PDZRN4: variants seen among roughly 807,000 people sequenced by gnomAD.
PDZRN4 encodes the protein PDZ domain containing ring finger 4, also known as PDZ domain-containing RING finger protein 4.
In PDZRN4, 70 loss-of-function variants were observed where a neutral mutation model predicts 99.0. The ratio of observed to expected loss-of-function variants is 0.71; its 90% CI spans 0.58 to 0.86. PDZRN4 has a LOEUF of 0.86. Among genes scored for constraint, PDZRN4 ranks in the 40% least tolerant of loss-of-function variants. The pLI is 0.00. For missense variants in PDZRN4, 1,474 were observed against 1,331.2 expected, an observed-to-expected ratio of 1.11 and a Z score of -1.67; for synonymous variants, 551 against 501.6, an observed-to-expected ratio of 1.10 and a Z score of -1.32.
rs774282380 is a variant in PDZRN4, at chr12:41,188,423, G to A, written c.-33G>A. On this transcript the variant is annotated 5_prime_UTR_variant, in exon 1 of 10. Transcript: ENST00000402685. ...GGGGGGCTCGGAGAAGACGGACTCTGCTTTCGCTCCCCCTTTCTTCCCCAT... is the reference window on the plus strand; with the variant it reads ...GGGGGGCTCGGAGAAGACGGACTCTACTTTCGCTCCCCCTTTCTTCCCCAT... The A allele has an allele frequency of 2.0e-6, 3 of 1,525,912 alleles. No homozygotes were observed. Among genetic ancestry groups the A allele is most frequent in the South Asian group, 2.5e-5 (2 of 81,206 alleles). The allele number at this position is 1,525,912 out of a possible 1,614,324, so 94.5% of individuals were successfully genotyped here.
intron 3 of PDZRN4, among the ~76,000 whole-genome samples, chr12:41,337,462 A>T (rs1951783899): frequency 1.3e-5 from 2 of 151,970 alleles, no homozygotes; most frequent in South Asian, 4.1e-4. Flanking sequence ...GGACAACCAG[A>T]TGCGAAGAGG....
intron 4 of PDZRN4, 173 bp from the exon 5 acceptor site, chr12:41,509,638 T>C: frequency 2.3e-6 from 1 of 440,060 alleles, no homozygotes; most frequent in Non-Finnish European, 4.1e-6. Flanking sequence ...GGACTTCACG[T>C]AGAGGGAGAA....
intron 3 of PDZRN4, among the ~76,000 whole-genome samples, chr12:41,218,563 C>G (rs189531893): frequency 1.3e-5 from 2 of 152,056 alleles, no homozygotes; most frequent in South Asian, 2.1e-4. Context: ...TGACATACCC[C>G]CTGTAAAGAG....
At chr12:41,320,313 T>G (rs1018432552) in intron 3 of PDZRN4, among the ~76,000 whole-genome samples, 1 of 152,208 alleles carries the variant, frequency 6.6e-6, no homozygotes, top group African/African-American at 2.4e-5. Context: ...CAATATTAGA[T>G]CCTGTGTTGA....
intron 3 of PDZRN4, among the ~76,000 whole-genome samples, chr12:41,466,641 G>A (rs146714110): frequency 1.3e-5 from 2 of 152,148 alleles, no homozygotes; most frequent in East Asian, 1.9e-4. Context: ...AAACGTGGAG[G>A]GGGGGACACC....
chr12:41,188,860 G>C lies in PDZRN4; in HGVS notation c.405G>C (p.Pro135=), dbSNP rs996288267. The change falls in exon 1 of 10, where the codon CCG becomes CCC. Residue 135 remains proline, a synonymous_variant. Transcript: ENST00000402685. ...TGCCCGCGCGGGGGGGCTGCGGTCCGACACCCAGGGCTGGCCGGGGCGGGG... is the reference window on the plus strand; with the variant it reads ...TGCCCGCGCGGGGGGGCTGCGGTCCCACACCCAGGGCTGGCCGGGGCGGGG... ...GEVPARGGCG[P]TPRAGRGGGA... 8.1e-6 allele frequency: 10 copies of C among 1,239,276 alleles called. No homozygotes were observed. The East Asian group carries it at 2.4e-4, about 29-fold the overall frequency. 76.8% of individuals were successfully genotyped at this position (1,239,276 alleles called of 1,614,324 possible).
intron 3 of PDZRN4, among the ~76,000 whole-genome samples, chr12:41,452,566 C>T (rs1277611283): frequency 6.6e-6 from 1 of 152,048 alleles, no homozygotes; most frequent in African/African-American, 2.4e-5. Flanking sequence ...CAAATGGTAC[C>T]CCTGCTCCTG....
At chr12:41,214,341 A>C (rs1950906734) in intron 3 of PDZRN4, among the ~76,000 whole-genome samples, 1 of 144,354 alleles carries the variant, frequency 6.9e-6, no homozygotes, top group Non-Finnish European at 1.5e-5. Flanking sequence ...AGGCAGGAGG[A>C]TCACTTGAGC....
chr12:41,521,577 TA>T (rs1428919441), intron 5 of PDZRN4, among the ~76,000 whole-genome samples: 2 of 152,072 alleles, frequency 1.3e-5, no homozygotes, highest in African/African-American at 4.8e-5. Flanking sequence ...ACATGGTGCA[TA>T]TGAACCATAA....
At chr12:41,421,517 T>C (rs771160852) in intron 3 of PDZRN4, among the ~76,000 whole-genome samples, 6 of 152,144 alleles carry the variant, frequency 3.9e-5, no homozygotes, top group Non-Finnish European at 8.8e-5. Context: ...TGTTTAGGAC[T>C]CTTGGAATGA....
At chr12:41,563,130 C>T (rs184060) in intron 7 of PDZRN4, among the ~76,000 whole-genome samples, 1 of 152,160 alleles carries the variant, frequency 6.6e-6, no homozygotes, top group African/African-American at 2.4e-5. Flanking sequence ...CTGCAGCTCT[C>T]TAATTGGCTC....
intron 3 of PDZRN4, among the ~76,000 whole-genome samples, chr12:41,365,333 T>C (rs1373441645): frequency 6.6e-6 from 1 of 152,128 alleles, no homozygotes; most frequent in Admixed American, 6.6e-5. Context: ...ATTGTGCACA[T>C]GAGCACATAC....
intron 3 of PDZRN4, among the ~76,000 whole-genome samples, chr12:41,472,692 G>T (rs1953004891): frequency 6.6e-6 from 1 of 152,086 alleles, no homozygotes; most frequent in Non-Finnish European, 1.5e-5. Context: ...CACTCTAAGA[G>T]GTTTATGTAT....
intron 3 of PDZRN4, among the ~76,000 whole-genome samples, chr12:41,207,525 C>A (rs923936080): frequency 6.6e-6 from 1 of 151,626 alleles, no homozygotes; most frequent in African/African-American, 2.4e-5. Flanking sequence ...AATTGTCTTA[C>A]TGTAATTCAT....
intron 3 of PDZRN4, among the ~76,000 whole-genome samples, chr12:41,213,838 G>A (rs1950902891): frequency 1.3e-5 from 2 of 151,974 alleles, no homozygotes; most frequent in South Asian, 4.1e-4. Flanking sequence ...TCAGTGGCCT[G>A]GATTGGAATT....
intron 3 of PDZRN4, among the ~76,000 whole-genome samples, chr12:41,340,969 G>C (rs1049420366): frequency 6.6e-6 from 1 of 151,662 alleles, no homozygotes; most frequent in Non-Finnish European, 1.5e-5. Context: ...TTCTCAACAA[G>C]ATACTAGCAA....
intron 3 of PDZRN4, among the ~76,000 whole-genome samples, chr12:41,367,216 T>A (rs941130832): frequency 6.6e-6 from 1 of 152,040 alleles, no homozygotes; most frequent in African/African-American, 2.4e-5. Context: ...ATGGTAGAAA[T>A]GTTATGTTTC....
intron 5 of PDZRN4, among the ~76,000 whole-genome samples, chr12:41,522,095 A>G (rs958320959): frequency 5.3e-5 from 8 of 152,162 alleles, no homozygotes; most frequent in African/African-American, 9.6e-5. Flanking sequence ...TGCCAAGTAA[A>G]GACAGTTACA....
chr12:41,513,200 T>C (rs1938339749), intron 5 of PDZRN4, among the ~76,000 whole-genome samples: 1 of 152,086 alleles, frequency 6.6e-6, no homozygotes, highest in South Asian at 2.1e-4. Context: ...TGATGGACTG[T>C]AACAGGTCCC....
Sources: gnomAD v4.1 joint callset for allele counts (sites outside exome capture counted in the v4.1 genomes callset) on GRCh38, gnomAD v4.1.1 for gene constraint, MANE v1.5 for transcripts, NCBI Gene and HGNC (gene_info 2026-07-23, HGNC 2026-07-21) for gene names.